Variants in EXOC4 observed in about 807,000 individuals in gnomAD.
The protein encoded by EXOC4 is exocyst complex component 4.
In EXOC4, 71 loss-of-function variants were observed where a neutral mutation model predicts 107.2. That is an observed-to-expected ratio of 0.66 (90% CI 0.55 to 0.81). EXOC4 has a LOEUF of 0.81. Among genes scored for constraint, EXOC4 ranks in the 30% least tolerant of loss-of-function variants. The probability of loss-of-function intolerance (pLI) is 0.00; values close to 1 mark genes in which losing one functional copy is unlikely to be tolerated. For missense variants in EXOC4, 1,108 were observed against 1,189.6 expected, an observed-to-expected ratio of 0.93 and a Z score of 1.01; for synonymous variants, 456 against 441.2, an observed-to-expected ratio of 1.03 and a Z score of -0.42.
intron 10 of EXOC4, among the ~76,000 whole-genome samples, chr7:133,647,938 C>T (rs1803035360): frequency 2.0e-5 from 3 of 152,120 alleles, no homozygotes; most frequent in Admixed American, 2.0e-4. Context: ...AGATGAGCTC[C>T]TCAGAACACT....
chr7:133,264,212 A>C (rs1295135072), intron 1 of EXOC4, among the ~76,000 whole-genome samples: 1 of 152,160 alleles, frequency 6.6e-6, no homozygotes, highest in Non-Finnish European at 1.5e-5. Flanking sequence ...TAAGAGATTT[A>C]TAGCTTTTGG....
At chr7:133,449,930 A>G (rs1013615226) in intron 7 of EXOC4, among the ~76,000 whole-genome samples, 1 of 151,920 alleles carries the variant, frequency 6.6e-6, no homozygotes, top group African/African-American at 2.4e-5. Context: ...TGGAATATCA[A>G]TTGTTAGTAT....
chr7:133,738,871 T>A (rs1039053042), intron 10 of EXOC4, among the ~76,000 whole-genome samples: 7 of 152,140 alleles, frequency 4.6e-5, no homozygotes, highest in African/African-American at 1.7e-4. Flanking sequence ...GCACCTGAAA[T>A]GAATATGCTC....
chr7:133,630,108 G>C lies in EXOC4; in HGVS notation c.1481G>C (p.Arg494Thr), dbSNP rs761291706. Residue 494 changes from arginine (R) to threonine (T), a missense_variant, in exon 10 of 18, where the codon AGA (arginine) becomes ACA (threonine). Arg to Thr is a moderately conservative substitution (Grantham distance 71, BLOSUM62 -1). Coordinates refer to ENST00000253861, the MANE Select transcript of EXOC4 (RefSeq NM_021807.4). ...AAATTTGTCTGCAAACCTGGAGCCA[G>C]AAACATTACCGTCATATTCCACCCA... ...GTKFVCKPGA[R>T]NITVIFHPLL... is the part of the protein sequence containing the mutation. The C allele has an allele frequency of 6.2e-7, 1 of 1,613,754 alleles. No homozygotes were observed. Among genetic ancestry groups the C allele is most frequent in the African/African-American group, 1.3e-5 (1 of 74,866 alleles).
intron 4 of EXOC4, among the ~76,000 whole-genome samples, chr7:133,310,399 A>T (rs1794844345): frequency 6.6e-6 from 1 of 152,208 alleles, no homozygotes. Context: ...TGACATACAG[A>T]AGGTCCTAGA....
intron 10 of EXOC4, among the ~76,000 whole-genome samples, chr7:133,690,918 T>C (rs1259045703): frequency 6.6e-6 from 1 of 152,168 alleles, no homozygotes; most frequent in African/African-American, 2.4e-5. Context: ...AGGTGCCGAC[T>C]CCTCATCTTG....
At chr7:133,369,676 A>G (rs1164196310) in intron 6 of EXOC4, among the ~76,000 whole-genome samples, 2 of 152,054 alleles carry the variant, frequency 1.3e-5, no homozygotes, top group East Asian at 3.8e-4. Flanking sequence ...TATCACTTTT[A>G]AAATTTCCAG....
chr7:133,927,359 G>A (rs1055691649), intron 13 of EXOC4, among the ~76,000 whole-genome samples: 7 of 152,170 alleles, frequency 4.6e-5, no homozygotes, highest in Non-Finnish European at 1.0e-4. Context: ...ATCTAGCAGA[G>A]CCAGGAATGT....
At chr7:133,309,708 G>C (rs1163339321) in intron 4 of EXOC4, among the ~76,000 whole-genome samples, 1 of 152,210 alleles carries the variant, frequency 6.6e-6, no homozygotes, top group African/African-American at 2.4e-5. Context: ...GGGAAGCCGA[G>C]GTGGGAGGAT....
chr7:133,762,039 A>C (rs775810989), intron 10 of EXOC4, among the ~76,000 whole-genome samples: 1 of 152,136 alleles, frequency 6.6e-6, no homozygotes, highest in African/African-American at 2.4e-5. Context: ...CCTTTAATAT[A>C]AATGTTTAAA....
intron 11 of EXOC4, among the ~76,000 whole-genome samples, chr7:133,842,239 A>G (rs1183354549): frequency 2.0e-5 from 3 of 152,244 alleles, no homozygotes; most frequent in African/African-American, 4.8e-5. Flanking sequence ...ACTGTTTTCC[A>G]TAATGGAAGA....
chr7:133,798,532 A>C (rs544772833), intron 10 of EXOC4, among the ~76,000 whole-genome samples: 3 of 150,448 alleles, frequency 2.0e-5, no homozygotes, highest in African/African-American at 4.9e-5. Flanking sequence ...GGTGAATTTA[A>C]GATACTACTG....
At chr7:133,671,409 A>T (rs1793942154) in intron 10 of EXOC4, among the ~76,000 whole-genome samples, 2 of 152,086 alleles carry the variant, frequency 1.3e-5, no homozygotes, top group Non-Finnish European at 2.9e-5. Flanking sequence ...ACTAAAAAAT[A>T]CAAAAATTAG....
intron 10 of EXOC4, among the ~76,000 whole-genome samples, chr7:133,664,486 T>C (rs1363274877): frequency 6.6e-6 from 1 of 152,154 alleles, no homozygotes. Context: ...GACAACAGTT[T>C]TCCACCTCTG....
At position 133,380,578 on chromosome 7, in the gene EXOC4, T is replaced by G. The variant is rs202009856; in HGVS notation, c.1182+5576T>G. On this transcript the variant is annotated intron_variant, in intron 7 of 17. Transcript: ENST00000253861. ...TACTGATCTACTTTTTGGAAATGAC[T>G]TATTTTTATCATAGATCTATGATCT... Among the ~76,000 whole-genome samples, 19 of 152,280 alleles carry G rather than the reference T, an allele frequency of 1.2e-4. No homozygotes were observed. In the East Asian group the frequency reaches 3.7e-3, roughly 29 times the overall value.
At chr7:133,822,471 G>A (rs568490430) in intron 11 of EXOC4, among the ~76,000 whole-genome samples, 2 of 152,234 alleles carry the variant, frequency 1.3e-5, no homozygotes, top group East Asian at 3.9e-4. Flanking sequence ...TGAACAAATG[G>A]TACAAGCAAA....
At chr7:133,622,029 C>T (rs537420376) in intron 9 of EXOC4, among the ~76,000 whole-genome samples, 9 of 152,212 alleles carry the variant, frequency 5.9e-5, no homozygotes, top group African/African-American at 1.9e-4. Context: ...GGCTGGGGAG[C>T]AGTGGTGCAC....
intron 5 of EXOC4, among the ~76,000 whole-genome samples, chr7:133,341,879 A>G (rs1278567442): frequency 1.3e-5 from 2 of 152,094 alleles, no homozygotes; most frequent in Non-Finnish European, 2.9e-5. Context: ...GTCCACATGC[A>G]TGGAATATTT....
intron 4 of EXOC4, among the ~76,000 whole-genome samples, chr7:133,309,621 A>C (rs1352561157): frequency 1.4e-4 from 22 of 152,130 alleles, no homozygotes; most frequent in Admixed American, 1.4e-3. Flanking sequence ...TACAAGATTG[A>C]GAATATCAGC....
Sources: gnomAD v4.1 joint callset for allele counts (sites outside exome capture counted in the v4.1 genomes callset) on GRCh38, gnomAD v4.1.1 for gene constraint, MANE v1.5 for transcripts, NCBI Gene and HGNC (gene_info 2026-07-23, HGNC 2026-07-21) for gene names.